Variants in IL36B observed in about 807,000 individuals in gnomAD.
IL36B encodes the protein interleukin 36 beta.
A neutral mutation model predicts 19.3 loss-of-function variants in IL36B; 23 were observed. The observed-to-expected ratio is 1.19, with a 90% CI of 0.86 to 1.69. The LOEUF is 1.69. IL36B is among the 40% of genes most tolerant of loss of function. The pLI is 0.00. For synonymous variants in IL36B, 59 were observed against 59.7 expected, an observed-to-expected ratio of 0.99 and a Z score of 0.05; for missense variants, 217 against 200.5, an observed-to-expected ratio of 1.08 and a Z score of -0.50.
chr2:113,024,511 G>T (rs987649895), intron 5 of IL36B, among the ~76,000 whole-genome samples: 5 of 152,248 alleles, frequency 3.3e-5, no homozygotes, highest in Admixed American at 2.6e-4. Context: ...CTGTCATCCC[G>T]TGCCTTCTCC....
In IL36B at chr2:113,035,842, G is replaced by C. The variant is rs534959788; in HGVS notation, c.-57-4076C>G. On this transcript the variant is annotated intron_variant, in intron 1 of 5. Transcript: ENST00000259213. ...GACATAGACAATGCCTTTCCTGACT[G>C]ATCAGAGGATTGAGATAAAAGAAGG... 9.8e-5 allele frequency among the ~76,000 whole-genome samples: 15 copies of C among 152,318 alleles called. No individual in the cohort carries two copies. In the South Asian group the frequency reaches 2.9e-3, roughly 29 times the overall value.
At chr2:113,027,473 A>C in intron 4 of IL36B, 1 of 1,024,202 alleles carries the variant, frequency 9.8e-7, no homozygotes, top group Non-Finnish European at 1.2e-6. Context: ...TTTCACATTC[A>C]TCTCATTCTT....
intron 1 of IL36B, among the ~76,000 whole-genome samples, chr2:113,034,846 C>T (rs1349337057): frequency 1.3e-5 from 2 of 152,206 alleles, no homozygotes; most frequent in East Asian, 3.9e-4. Context: ...TTGCCCCCAT[C>T]TGGATGACTG....
intron 3 of IL36B, 145 bp from the exon 4 acceptor site, chr2:113,029,223 G>T: frequency 1.3e-6 from 1 of 773,002 alleles, no homozygotes; most frequent in Non-Finnish European, 2.0e-6. Context: ...AACCTATTTT[G>T]TTTTTCGTCC....
At chr2:113,044,942 T>G (rs1685324086) in intron 1 of IL36B, among the ~76,000 whole-genome samples, 1 of 152,140 alleles carries the variant, frequency 6.6e-6, no homozygotes, top group African/African-American at 2.4e-5. Context: ...TCTCCCATAG[T>G]AAAATAATAT....
At chr2:113,030,225 C>T (rs1685047093) in intron 3 of IL36B, among the ~76,000 whole-genome samples, 1 of 149,984 alleles carries the variant, frequency 6.7e-6, no homozygotes, top group African/African-American at 2.5e-5. Flanking sequence ...GAGTGAGACT[C>T]CGTTTAAAAA....
chr2:113,025,956 G>A (rs1455469926), intron 5 of IL36B: 1 of 1,299,366 alleles, frequency 7.7e-7, no homozygotes. Context: ...GGAAGTGAGA[G>A]AAGTCAATTC....
chr2:113,034,693 G>A (rs1210132080), intron 1 of IL36B, among the ~76,000 whole-genome samples: 4 of 152,208 alleles, frequency 2.6e-5, no homozygotes, highest in African/African-American at 9.6e-5. Flanking sequence ...AAAGGGGAGT[G>A]GGATGCTTTG....
Position 113,028,987 on chromosome 2 carries a change from G to A in IL36B, c.213C>T (p.Leu71=). The change falls in exon 4 of 6, where the codon CTC becomes CTT. Residue 71 remains leucine (L), a synonymous_variant. Coordinates refer to ENST00000259213, the MANE Select transcript of IL36B (RefSeq NM_014438.5). ...CCTGAATTTCTGCACAGAAGAGACA[G>A]AGATCTTTTCCCTTGATTCCCAGGT... 6.2e-7 allele frequency: 1 copy of A among 1,614,154 alleles called. No individual in the cohort carries two copies. Among genetic ancestry groups the A allele is most frequent in the Non-Finnish European group, 8.5e-7 (1 of 1,179,986 alleles).
At chr2:113,039,014 C>T (rs570081387) in intron 1 of IL36B, among the ~76,000 whole-genome samples, 22 of 152,238 alleles carry the variant, frequency 1.4e-4, no homozygotes, top group Admixed American at 1.1e-3. Flanking sequence ...GGCAAGTCGT[C>T]GTGGGTTCTG....
At position 113,026,115 on chromosome 2, in the gene IL36B, C is replaced by T; in HGVS notation, c.379G>A (p.Gly127Arg). Residue 127 changes from glycine (G) to arginine (R), a missense_variant, in exon 5 of 6, where the codon GGA becomes AGA. Physicochemically the swap from Gly to Arg is moderately radical, Grantham distance 125. Coordinates refer to ENST00000259213, the MANE Select transcript of IL36B (RefSeq NM_014438.5). The stretch of plus-strand genomic sequence containing the variant: ...ATTTGCTCCTCACCCACTCCTATTC[C>T]CCATTGGTCAAGGGTTCCCATGAAG... 2 of 1,613,668 alleles carry T rather than the reference C, an allele frequency of 1.2e-6. No homozygotes were observed. Among genetic ancestry groups the T allele is most frequent in the Non-Finnish European group, 1.7e-6 (2 of 1,179,736 alleles).
At chr2:113,024,730 C>T (rs1684922576) in intron 5 of IL36B, among the ~76,000 whole-genome samples, 1 of 152,118 alleles carries the variant, frequency 6.6e-6, no homozygotes, top group South Asian at 2.1e-4. Flanking sequence ...TGTTCAGTGC[C>T]CTTGGAATAG....
intron 4 of IL36B, chr2:113,027,487 C>G: frequency 9.8e-7 from 1 of 1,023,824 alleles, no homozygotes; most frequent in Non-Finnish European, 1.2e-6. Flanking sequence ...CATTCTTCAG[C>G]TTTATCTTTG....
rs746401723 is a variant in IL36B at position 113,026,184 on chromosome 2, C to A, written c.310G>T (p.Val104Phe). The A allele has an allele frequency of 1.9e-6, 3 of 1,613,942 alleles. No individual in the cohort carries two copies. In the South Asian group the frequency reaches 3.3e-5, roughly 18 times the overall value. ...AGGTTTATGCATGTGTGAATTCCAA[C>A]TAGTTTCCAGCAAGTGTCCTTCCCT... is the stretch of plus-strand genomic sequence containing the variant. Residue 104 changes from valine (V) to phenylalanine (F), a missense_variant, in exon 5 of 6, where the codon GTT (valine) becomes TTT (phenylalanine). Physicochemically the swap from Val to Phe is conservative, Grantham distance 50. Transcript: ENST00000259213.
chr2:113,031,119 G>A lies in IL36B; in HGVS notation c.50C>T (p.Ser17Phe). 1 of 1,614,136 alleles carries A rather than the reference G, an allele frequency of 6.2e-7. No homozygotes were observed. Among genetic ancestry groups the A allele is most frequent in the East Asian group, 2.2e-5 (1 of 44,894 alleles). Reference sequence around the variant, plus strand: ...ACTCAGGACCCACACCATCTGTCGAGAATCACGAATAGCATAGGATTTGGG... The same window carrying A: ...ACTCAGGACCCACACCATCTGTCGAAAATCACGAATAGCATAGGATTTGGG... The change falls in exon 3 of 6, where the codon TCT becomes TTT. Residue 17 changes from serine (S) to phenylalanine (F), a missense_variant. Transcript: ENST00000259213.
rs1208694902 is a variant in IL36B at position 113,050,933 on chromosome 2, T to TCGGAGGCCG, written c.-58+1883_-58+1884insCGGCCTCCG. On this transcript the variant is annotated intron_variant, in intron 1 of 5. Coordinates refer to ENST00000259213, the MANE Select transcript of IL36B (RefSeq NM_014438.5). ...CAGAAAAAGAGGAAGAGAGCTTGAA[T>TCGGAGGCCG]TGGAGGCCGTGCCTCTCAGCGTGGC... 5.3e-5 allele frequency among the ~76,000 whole-genome samples: 8 copies of TCGGAGGCCG among 151,598 alleles called. 1 individual carries two copies. Among genetic ancestry groups the TCGGAGGCCG allele is most frequent in the African/African-American group, 1.5e-4 (6 of 41,284 alleles).
intron 4 of IL36B, among the ~76,000 whole-genome samples, chr2:113,028,318 CCT>C (rs1330971327): frequency 6.6e-6 from 1 of 152,162 alleles, no homozygotes; most frequent in Admixed American, 6.5e-5. Flanking sequence ...ACCCCAGGAT[CCT>C]CTGACACAAG....
At chr2:113,043,488 G>A (rs990544933) in intron 1 of IL36B, among the ~76,000 whole-genome samples, 3 of 152,058 alleles carry the variant, frequency 2.0e-5, no homozygotes, top group African/African-American at 7.2e-5. Context: ...TCACCTTTTT[G>A]TTGTCATTAT....
chr2:113,052,421 A>G (rs1364981232), intron 1 of IL36B, among the ~76,000 whole-genome samples: 1 of 152,168 alleles, frequency 6.6e-6, no homozygotes, highest in Non-Finnish European at 1.5e-5. Flanking sequence ...CTGCAAGAGT[A>G]CCAATACCAG....
Sources: gnomAD v4.1 joint callset for allele counts (sites outside exome capture counted in the v4.1 genomes callset) on GRCh38, gnomAD v4.1.1 for gene constraint, MANE v1.5 for transcripts, NCBI Gene and HGNC (gene_info 2026-07-23, HGNC 2026-07-21) for gene names.